Variants in IQCK observed in about 807,000 individuals in gnomAD.
The protein encoded by IQCK is IQ motif containing K.
IQCK carries 29 observed loss-of-function variants against 28.1 expected under a neutral mutation model. The observed-to-expected ratio is 1.03, with a 90% CI of 0.77 to 1.41. IQCK has a LOEUF of 1.41. Ranked by LOEUF, IQCK falls within the 40% of genes most tolerant of loss-of-function variation. The pLI is 0.00. For synonymous variants in IQCK, 113 were observed against 115.1 expected (o/e 0.98, Z 0.12); for missense variants, 359 against 314.7 (o/e 1.14, Z -1.07).
At chr16:19,854,733 G>A (rs151150036) in intron 9 of IQCK, among the ~76,000 whole-genome samples, 1 of 152,294 alleles carries the variant, frequency 6.6e-6, no homozygotes, top group Non-Finnish European at 1.5e-5. Context: ...CTATGGAAAT[G>A]GCAAATGATA....
intron 1 of IQCK, among the ~76,000 whole-genome samples, chr16:19,723,352 T>C (rs183112855): frequency 1.3e-5 from 2 of 152,298 alleles, no homozygotes; most frequent in Non-Finnish European, 2.9e-5. Flanking sequence ...GTCCCATCTC[T>C]GTTTACTTTT....
intron 6 of IQCK, among the ~76,000 whole-genome samples, chr16:19,766,415 G>A (rs1020659746): frequency 6.6e-6 from 1 of 152,220 alleles, no homozygotes; most frequent in South Asian, 2.1e-4. Flanking sequence ...GCCCAGCTGG[G>A]GCAGCGGCCA....
At chr16:19,732,323 T>C (rs915216704) in intron 2 of IQCK, among the ~76,000 whole-genome samples, 3 of 152,198 alleles carry the variant, frequency 2.0e-5, no homozygotes, top group Non-Finnish European at 4.4e-5. Context: ...GCTGTACTTG[T>C]GGGTTTGTTT....
intron 4 of IQCK, among the ~76,000 whole-genome samples, chr16:19,757,553 C>T (rs1244395114): frequency 3.3e-5 from 5 of 152,146 alleles, no homozygotes; most frequent in African/African-American, 1.2e-4. Context: ...TCTATGCCTA[C>T]GCCTGTAATC....
chr16:19,842,536 GGGTCA>G (rs2056373295), intron 9 of IQCK, among the ~76,000 whole-genome samples: 2 of 152,070 alleles, frequency 1.3e-5, no homozygotes, highest in African/African-American at 4.8e-5. Flanking sequence ...TTTTTTCTTT[GGGTCA>G]AAATCCATTA....
chr16:19,747,346 A>G (rs1464327313), intron 4 of IQCK, among the ~76,000 whole-genome samples: 2 of 152,158 alleles, frequency 1.3e-5, no homozygotes, highest in African/African-American at 4.8e-5. Context: ...TAGGGCAGCC[A>G]GGCAGGGTTG....
intron 7 of IQCK, among the ~76,000 whole-genome samples, chr16:19,820,687 A>T (rs2056060634): frequency 6.6e-6 from 1 of 152,186 alleles, no homozygotes; most frequent in South Asian, 2.1e-4. Flanking sequence ...TTTTATCAAA[A>T]TTTAAAACCT....
At chr16:19,852,281 A>G (rs1469027742) in intron 9 of IQCK, among the ~76,000 whole-genome samples, 2 of 152,314 alleles carry the variant, frequency 1.3e-5, no homozygotes, top group East Asian at 3.9e-4. Context: ...AAACACATAT[A>G]ACAATAAATA....
chr16:19,828,112 C>T (rs754263024), downstream of IQCK, among the ~76,000 whole-genome samples: 1 of 151,876 alleles, frequency 6.6e-6, no homozygotes, highest in Non-Finnish European at 1.5e-5. Context: ...AGGGTTTCAC[C>T]ATGTTGGCCA....
chr16:19,815,381 T>A (rs1025000756), intron 7 of IQCK, among the ~76,000 whole-genome samples: 3 of 152,180 alleles, frequency 2.0e-5, no homozygotes, highest in Admixed American at 1.3e-4. Flanking sequence ...CCGACGCCAG[T>A]GGCTTATGCT....
intron 9 of IQCK, among the ~76,000 whole-genome samples, chr16:19,847,175 CT>C (rs1334226128): frequency 1.3e-5 from 2 of 152,162 alleles, no homozygotes; most frequent in East Asian, 1.9e-4. Context: ...AGCCCTGAGC[CT>C]AGTGTCCAGC....
At position 19,825,348 on chromosome 16, in the gene IQCK, C is replaced by T. The variant is rs1390470412; in HGVS notation, c.691-1678C>T. Among the ~76,000 whole-genome samples, 2 of 151,990 alleles carry T rather than the reference C, an allele frequency of 1.3e-5. No individual in the cohort carries two copies. Among genetic ancestry groups the T allele is most frequent in the Non-Finnish European group, 2.9e-5 (2 of 68,018 alleles). On this transcript the variant is annotated intron_variant, in intron 7 of 7. Coordinates refer to ENST00000564186, the Ensembl canonical transcript of IQCK. The surrounding 1 kb of genome is among the most constrained non-coding windows in gnomAD (Gnocchi z 4.2). Reference sequence around the variant, plus strand: ...CCAGCCTGACCAACATGGTAAAACCCTGTCTCTACTAAAAATACAAAATTA... The same window carrying T: ...CCAGCCTGACCAACATGGTAAAACCTTGTCTCTACTAAAAATACAAAATTA...
chr16:19,805,990 A>T (rs529577644), intron 7 of IQCK, among the ~76,000 whole-genome samples: 2 of 152,174 alleles, frequency 1.3e-5, no homozygotes, highest in Non-Finnish European at 2.9e-5. Context: ...GTTGAGTCAC[A>T]GCACAGGTCT....
At chr16:19,857,234 G>T in exon 10 of IQCK, 1 of 296,192 alleles carries the variant, frequency 3.4e-6, no homozygotes, top group Non-Finnish European at 6.4e-6. Context: ...GACCCTCAAG[G>T]CAGATCCGAA....
intron 7 of IQCK, 60 bp from the exon 8 acceptor site, chr16:19,826,966 A>C (rs1483550525): frequency 9.6e-7 from 1 of 1,040,330 alleles, no homozygotes; most frequent in African/African-American, 1.6e-5. Flanking sequence ...ATGCAGGGTT[A>C]ATAAGCTAGT....
intron 9 of IQCK, among the ~76,000 whole-genome samples, chr16:19,848,500 T>C (rs1026512924): frequency 6.6e-6 from 1 of 152,236 alleles, no homozygotes; most frequent in Non-Finnish European, 1.5e-5. Flanking sequence ...TGACATCTTA[T>C]GAATTTTAAA....
intron 6 of IQCK, among the ~76,000 whole-genome samples, chr16:19,779,140 A>G (rs1269176863): frequency 1.3e-5 from 2 of 152,082 alleles, no homozygotes; most frequent in Admixed American, 6.6e-5. Context: ...GAGCCACCAC[A>G]CCCAGCCTTC....
intron 4 of IQCK, chr16:19,735,964 G>T (rs985668352): frequency 2.6e-6 from 1 of 381,732 alleles, no homozygotes; most frequent in African/African-American, 2.1e-5. Context: ...TACTCAAGAG[G>T]CTGAGGCAGG....
At chr16:19,827,137 G>A (rs970433860) in exon 8 of IQCK, 1 of 1,602,048 alleles carries the variant, frequency 6.2e-7, no homozygotes, top group South Asian at 1.1e-5. Flanking sequence ...AGAACAAAAA[G>A]GTAAGTTGCT....
Sources: gnomAD v4.1 joint callset for allele counts (sites outside exome capture counted in the v4.1 genomes callset) on GRCh38, gnomAD v4.1.1 for gene constraint, Gnocchi (gnomAD v3.1) non-coding constraint, MANE v1.5 for transcripts, NCBI Gene and HGNC (gene_info 2026-07-23, HGNC 2026-07-21) for gene names.